XRCC4: variants seen among roughly 807,000 people sequenced by gnomAD.
The protein encoded by XRCC4 is X-ray repair cross complementing 4.
In XRCC4, 28 loss-of-function variants were observed where a neutral mutation model predicts 39.1. That is an observed-to-expected ratio of 0.72 (90% CI 0.53 to 0.98). The LOEUF is 0.98. XRCC4 is among the 50% of genes least tolerant of loss of function. The probability of loss-of-function intolerance (pLI) is 0.00; values close to 1 mark genes in which losing one functional copy is unlikely to be tolerated. For synonymous variants in XRCC4, 123 were observed against 126.4 expected, an observed-to-expected ratio of 0.97 and a Z score of 0.18; for missense variants, 350 against 376.4, an observed-to-expected ratio of 0.93 and a Z score of 0.58.
At position 83,267,311 on chromosome 5, in the gene XRCC4, T is replaced by C. The variant is rs28360244; in HGVS notation, c.893+8634T>C. On this transcript the variant is annotated intron_variant, in intron 7 of 7. Coordinates refer to ENST00000396027, the MANE Select transcript of XRCC4 (RefSeq NM_003401.5). ...AAACTGAAAGAAAGAGAGTTCTAAT[T>C]GAACCCCATCCACAGCATCCCCTTA... is the stretch of plus-strand genomic sequence containing the variant. Among the ~76,000 whole-genome samples, 20 of 152,264 alleles carry C rather than the reference T, an allele frequency of 1.3e-4. No homozygotes were observed. In the East Asian group the frequency reaches 3.9e-3, roughly 29 times the overall value.
intron 7 of XRCC4, among the ~76,000 whole-genome samples, chr5:83,290,437 A>G (rs78584706): frequency 0.038 from 5,804 of 151,036 alleles, 332 homozygotes; most frequent in African/African-American, 0.13. Context: ...AAATATTTAT[A>G]ACATTATTAC....
rs528312867 is a variant in XRCC4, at chr5:83,156,364, A to G, written c.316-39406A>G. On this transcript the variant is annotated intron_variant, in intron 3 of 7. Transcript: ENST00000396027. ...ATATGTTATTTAGAGAGAGAGCTGTAAAGGAAGTTTTGGGAAAACATATCA... is the reference window on the plus strand; with the variant it reads ...ATATGTTATTTAGAGAGAGAGCTGTGAAGGAAGTTTTGGGAAAACATATCA... Among the ~76,000 whole-genome samples the G allele has an allele frequency of 1.7e-4, 26 of 151,766 alleles. No homozygotes were observed. The South Asian group carries it at 5.4e-3, about 31-fold the overall frequency.
intron 3 of XRCC4, among the ~76,000 whole-genome samples, chr5:83,163,018 C>T (rs1749294298): frequency 7.0e-6 from 1 of 143,090 alleles, no homozygotes; most frequent in African/African-American, 2.6e-5. Context: ...GGTGTGATCT[C>T]GGCTCACTGC....
At chr5:83,238,756 A>C (rs1752792096) in intron 6 of XRCC4, among the ~76,000 whole-genome samples, 1 of 152,124 alleles carries the variant, frequency 6.6e-6, no homozygotes, top group African/African-American at 2.4e-5. Context: ...GGGTCCTTTT[A>C]GCTAAATGGC....
intron 3 of XRCC4, among the ~76,000 whole-genome samples, chr5:83,128,480 T>G (rs1353230220): frequency 6.6e-6 from 1 of 152,164 alleles, no homozygotes; most frequent in Non-Finnish European, 1.5e-5. Context: ...ATCCTTTGGG[T>G]ATATACCCAG....
chr5:83,088,991 A>C lies in XRCC4; in HGVS notation c.-11+11376A>C, dbSNP rs568191639. Among the ~76,000 whole-genome samples, 7 of 152,310 alleles carry C rather than the reference A, an allele frequency of 4.6e-5. No homozygotes were observed. The East Asian group carries it at 1.4e-3, about 29-fold the overall frequency. ...CCATAAAGAGGCCACCAATTGATTA[A>C]TCTTTCTGATCAATAAGGTAATTTA... is the stretch of plus-strand genomic sequence containing the variant. On this transcript the variant is annotated intron_variant, in intron 1 of 7. Coordinates refer to ENST00000396027, the MANE Select transcript of XRCC4 (RefSeq NM_003401.5).
intron 7 of XRCC4, among the ~76,000 whole-genome samples, chr5:83,314,026 CATTAAT>C (rs1433965783): frequency 2.0e-5 from 3 of 152,110 alleles, no homozygotes; most frequent in African/African-American, 7.2e-5. Flanking sequence ...TCTTATTCTT[CATTAAT>C]ATTATTTTAT....
Position 83,084,291 on chromosome 5 carries a change from G to A in XRCC4, c.-11+6676G>A, listed in dbSNP as rs572766356. 1.5e-4 allele frequency among the ~76,000 whole-genome samples: 23 copies of A among 152,282 alleles called. No homozygotes were observed. The East Asian group carries it at 4.4e-3, about 29-fold the overall frequency. On this transcript the variant is annotated intron_variant, in intron 1 of 7. Transcript: ENST00000396027. ...TAGGAGGGAGTTAATGCATTGTATA[G>A]CCCTGGACAATTTGCTCCTTGTTAT...
intron 6 of XRCC4, among the ~76,000 whole-genome samples, chr5:83,213,231 C>T (rs1010367861): frequency 3.3e-5 from 5 of 151,464 alleles, no homozygotes; most frequent in Admixed American, 2.6e-4. Context: ...TGTTTTGTGA[C>T]GCATATTAAG....
intron 3 of XRCC4, among the ~76,000 whole-genome samples, chr5:83,192,202 G>A (rs559935823): frequency 5.2e-4 from 76 of 146,044 alleles, no homozygotes; most frequent in East Asian, 1.2e-3. Context: ...GTATGTATAC[G>A]TATATATTAT....
chr5:83,367,411 T>C, the XRCC4 span, among the ~76,000 whole-genome samples: 4 of 152,232 alleles, frequency 2.6e-5, no homozygotes, highest in African/African-American at 4.8e-5. Context: ...CCTATGTGAC[T>C]GTTGTGTTCT....
intron 7 of XRCC4, among the ~76,000 whole-genome samples, chr5:83,296,941 G>A (rs932112973): frequency 2.0e-5 from 3 of 151,908 alleles, no homozygotes; most frequent in African/African-American, 7.2e-5. Flanking sequence ...GAAACAATTC[G>A]GTGCAATCTT....
At chr5:83,201,394 T>A (rs933546385) in intron 4 of XRCC4, 1 of 152,262 alleles carries the variant, frequency 6.6e-6, no homozygotes. Context: ...CACTGGCCCC[T>A]AGTAAAATGC....
intron 3 of XRCC4, among the ~76,000 whole-genome samples, chr5:83,175,780 T>C (rs1329125483): frequency 2.0e-5 from 3 of 152,286 alleles, no homozygotes; most frequent in South Asian, 2.1e-4. Flanking sequence ...GATTAATTTT[T>C]GTATTTTGAG....
At chr5:83,168,657 G>T (rs894026945) in intron 3 of XRCC4, among the ~76,000 whole-genome samples, 1 of 151,848 alleles carries the variant, frequency 6.6e-6, no homozygotes, top group African/African-American at 2.4e-5. Flanking sequence ...ACCAACATAT[G>T]GTCCAAATTT....
chr5:83,230,057 T>G (rs1330675345), intron 6 of XRCC4, among the ~76,000 whole-genome samples: 2 of 152,016 alleles, frequency 1.3e-5, no homozygotes, highest in East Asian at 3.9e-4. Flanking sequence ...GTCTATTTTA[T>G]CTTTTCTTTT....
At chr5:83,309,572 TAACACG>T (rs1755631381) in intron 7 of XRCC4, among the ~76,000 whole-genome samples, 1 of 150,726 alleles carries the variant, frequency 6.6e-6, no homozygotes, top group South Asian at 2.1e-4. Flanking sequence ...CCATCCTGGC[TAACACG>T]GTGAAAACCC....
At chr5:83,267,809 T>C (rs1754009789) in intron 7 of XRCC4, among the ~76,000 whole-genome samples, 1 of 152,140 alleles carries the variant, frequency 6.6e-6, no homozygotes, top group Non-Finnish European at 1.5e-5. Flanking sequence ...AGAAGGGCTA[T>C]CCTATCAGGG....
chr5:83,347,127 G>A (rs1756939553), intron 7 of XRCC4, among the ~76,000 whole-genome samples: 1 of 152,038 alleles, frequency 6.6e-6, no homozygotes. Flanking sequence ...TAAAATCAAT[G>A]ATGAATGTAG....
Sources: allele counts gnomAD v4.1 joint callset (sites outside exome capture counted in the v4.1 genomes callset), GRCh38; gene constraint gnomAD v4.1.1; transcripts MANE v1.5; gene names NCBI Gene and HGNC (gene_info 2026-07-23, HGNC 2026-07-21).